Variants in CSMD1 observed in about 807,000 individuals in gnomAD.
CSMD1 encodes the protein CUB and sushi domain-containing protein 1.
In CSMD1, 213 loss-of-function variants were observed where a neutral mutation model predicts 417.5. That is an observed-to-expected ratio of 0.51 (90% confidence interval 0.46 to 0.57). The LOEUF (loss-of-function observed/expected upper bound fraction) is 0.57. CSMD1 is among the 20% of genes least tolerant of loss of function. CSMD1 has a pLI of 0.00. For synonymous variants in CSMD1, 2,862 were observed against 1,736.8 expected, an observed-to-expected ratio of 1.65 and a Z score of -16.11; for missense variants, 6,923 against 4,529.7, an observed-to-expected ratio of 1.53 and a Z score of -15.17.
chr8:3,439,285 A>G (rs28735267), intron 12 of CSMD1, among the ~76,000 whole-genome samples: 714 of 29,056 alleles, frequency 0.025, 29 homozygotes, highest in Middle Eastern at 0.096. Context: ...ATGTCAGTAT[A>G]TATATATATA....
chr8:4,454,715 G>A (rs1186454396), intron 2 of CSMD1, among the ~76,000 whole-genome samples: 2 of 152,008 alleles, frequency 1.3e-5, no homozygotes, highest in Admixed American at 6.6e-5. Context: ...TGAAACTTTC[G>A]GTAAGTAAAT....
intron 3 of CSMD1, among the ~76,000 whole-genome samples, chr8:4,218,812 G>A (rs933669101): frequency 2.2e-4 from 34 of 152,094 alleles, no homozygotes; most frequent in African/African-American, 6.5e-4. Context: ...TTTTCTCAGT[G>A]TCAATCCTTT....
chr8:3,022,093 G>A (rs777895800), intron 51 of CSMD1, among the ~76,000 whole-genome samples: 5 of 142,374 alleles, frequency 3.5e-5, no homozygotes, highest in Admixed American at 7.1e-5. Flanking sequence ...GAATACACCC[G>A]CAATCCCACA....
chr8:3,484,226 G>T (rs942495623), intron 11 of CSMD1, among the ~76,000 whole-genome samples: 2 of 152,184 alleles, frequency 1.3e-5, no homozygotes, highest in Non-Finnish European at 2.9e-5. Flanking sequence ...GGCATTGGTA[G>T]AAGACTAGAC....
chr8:4,674,954 T>C (rs994004276), intron 1 of CSMD1, among the ~76,000 whole-genome samples: 2 of 152,110 alleles, frequency 1.3e-5, no homozygotes, highest in African/African-American at 2.4e-5. Context: ...CTCATTCTCC[T>C]CCATGAGAGG....
chr8:3,302,357 C>T (rs866631505), intron 25 of CSMD1, among the ~76,000 whole-genome samples: 1 of 152,156 alleles, frequency 6.6e-6, no homozygotes, highest in Non-Finnish European at 1.5e-5. Flanking sequence ...TCCTCCCTTA[C>T]ACTCCTACGT....
At chr8:3,553,060 G>A (rs920858090) in intron 10 of CSMD1, among the ~76,000 whole-genome samples, 3 of 149,590 alleles carry the variant, frequency 2.0e-5, no homozygotes, top group Non-Finnish European at 3.0e-5. Flanking sequence ...ATATATTCAA[G>A]CAATAAAATA....
intron 15 of CSMD1, among the ~76,000 whole-genome samples, chr8:3,403,812 T>C (rs1297464160): frequency 6.6e-6 from 1 of 152,356 alleles, no homozygotes; most frequent in African/African-American, 2.4e-5. Flanking sequence ...CACATGTGTA[T>C]ATATTTACTC....
At chr8:4,141,206 G>A (rs1275877630) in intron 3 of CSMD1, among the ~76,000 whole-genome samples, 1 of 151,044 alleles carries the variant, frequency 6.6e-6, no homozygotes, top group South Asian at 2.1e-4. Context: ...TGATCTATCA[G>A]AAAGACTGGA....
intron 1 of CSMD1, among the ~76,000 whole-genome samples, chr8:4,682,681 C>T (rs1344772632): frequency 6.6e-6 from 1 of 151,686 alleles, no homozygotes; most frequent in Non-Finnish European, 1.5e-5. Flanking sequence ...TAGTGTACAG[C>T]TTCTTACCTT....
chr8:4,856,060 G>C (rs1159101457), intron 1 of CSMD1, among the ~76,000 whole-genome samples: 1 of 152,162 alleles, frequency 6.6e-6, no homozygotes, highest in East Asian at 1.9e-4. Context: ...AGTAACAGCG[G>C]ATCTCTCGAC....
intron 3 of CSMD1, among the ~76,000 whole-genome samples, chr8:4,346,279 C>T (rs552020623): frequency 6.6e-6 from 1 of 152,242 alleles, no homozygotes; most frequent in African/African-American, 2.4e-5. Context: ...TTTCATAGCA[C>T]ATGAAAGATA....
At chr8:4,092,805 A>C (rs1800789422) in intron 3 of CSMD1, among the ~76,000 whole-genome samples, 1 of 152,126 alleles carries the variant, frequency 6.6e-6, no homozygotes, top group African/African-American at 2.4e-5. Context: ...TTTTTAATAG[A>C]CCAATATTTT....
chr8:4,079,750 A>T (rs1467786241), intron 3 of CSMD1, among the ~76,000 whole-genome samples: 1 of 152,156 alleles, frequency 6.6e-6, no homozygotes, highest in Non-Finnish European at 1.5e-5. Context: ...TAGTGATGAA[A>T]AATAGTTTAT....
chr8:4,537,165 C>A (rs1234311000), intron 2 of CSMD1, among the ~76,000 whole-genome samples: 1 of 152,122 alleles, frequency 6.6e-6, no homozygotes, highest in Non-Finnish European at 1.5e-5. Context: ...TTGTACTTTT[C>A]TGTCATGAGA....
intron 7 of CSMD1, among the ~76,000 whole-genome samples, chr8:3,701,249 G>C (rs1035087144): frequency 6.6e-6 from 1 of 152,152 alleles, no homozygotes; most frequent in African/African-American, 2.4e-5. Context: ...GTCCATTCTG[G>C]AATTGGATCA....
chr8:3,076,761 A>G (rs1438762744), intron 49 of CSMD1, among the ~76,000 whole-genome samples: 3 of 152,200 alleles, frequency 2.0e-5, no homozygotes, highest in South Asian at 2.1e-4. Flanking sequence ...ATTGATGACA[A>G]CTGTGGCCCA....
At chr8:4,420,706 A>C (rs541018077) in intron 2 of CSMD1, among the ~76,000 whole-genome samples, 3 of 152,272 alleles carry the variant, frequency 2.0e-5, no homozygotes, top group Non-Finnish European at 4.4e-5. Context: ...TCAGGATAGC[A>C]AAGGCCCCGT....
chr8:3,464,524 G>T (rs978792196), intron 12 of CSMD1, among the ~76,000 whole-genome samples: 7 of 150,712 alleles, frequency 4.6e-5, no homozygotes, highest in African/African-American at 1.7e-4. Flanking sequence ...TTCTTATATA[G>T]TATTCTGAGA....
Sources: allele counts gnomAD v4.1 joint callset (sites outside exome capture counted in the v4.1 genomes callset), GRCh38; gene constraint gnomAD v4.1.1; transcripts MANE v1.5; gene names NCBI Gene and HGNC (gene_info 2026-07-23, HGNC 2026-07-21).